PLCH1: variants seen among roughly 807,000 people sequenced by gnomAD.
PLCH1 encodes phospholipase C eta 1, also known as 1-phosphatidylinositol 4,5-bisphosphate phosphodiesterase eta-1.
A neutral mutation model predicts 126.7 loss-of-function variants in PLCH1; 60 were observed. The ratio of observed to expected loss-of-function variants is 0.47; its 90% CI spans 0.38 to 0.59. The LOEUF is 0.59. Ranked by LOEUF, PLCH1 falls within the 20% of genes least tolerant of loss-of-function variation. The probability of loss-of-function intolerance (pLI) is 0.00; values close to 1 mark genes in which losing one functional copy is unlikely to be tolerated. For synonymous variants in PLCH1, 719 were observed against 734.9 expected (o/e 0.98, Z 0.35); for missense variants, 1,723 against 2,040.0 (o/e 0.84, Z 2.99).
At position 155,517,696 on chromosome 3, in the gene PLCH1, G is replaced by A. The variant is rs150806615; in HGVS notation, c.1471-2812C>T. Among the ~76,000 whole-genome samples, 912 of 152,188 alleles carry A rather than the reference G, an allele frequency of 6.0e-3. 11 individuals carry two copies. The highest frequency in any genetic ancestry group is 0.021 in the African/African-American group (886 of 41,498). On this transcript the variant is annotated intron_variant, in intron 11 of 22. Coordinates refer to ENST00000460012, the MANE Select transcript of PLCH1 (RefSeq NM_014996.4). ...TGAAGTCCTTAACTTAATTACATCC[G>A]CAAAGACCCTTTTTCCAAATAAGCT...
At chr3:155,692,942 C>T (rs753510847) in intron 2 of PLCH1, among the ~76,000 whole-genome samples, 1 of 151,970 alleles carries the variant, frequency 6.6e-6, no homozygotes, top group African/African-American at 2.4e-5. Flanking sequence ...GCTGCCACGC[C>T]CGGCTAAGTT....
chr3:155,599,807 CCT>C (rs1466424882), intron 2 of PLCH1, among the ~76,000 whole-genome samples: 1 of 152,166 alleles, frequency 6.6e-6, no homozygotes, highest in African/African-American at 2.4e-5. Context: ...GACACAGGGT[CCT>C]CTGTTTTGTT....
At chr3:155,485,784 C>G in intron 21 of PLCH1, 74 bp from the exon 22 acceptor site, 1 of 909,180 alleles carries the variant, frequency 1.1e-6, no homozygotes, top group Non-Finnish European at 1.7e-6. Flanking sequence ...AAAATGACAG[C>G]TCCATGAAAA....
intron 2 of PLCH1, among the ~76,000 whole-genome samples, chr3:155,644,873 A>G (rs956584807): frequency 1.3e-5 from 2 of 152,222 alleles, no homozygotes; most frequent in Non-Finnish European, 2.9e-5. Context: ...CGGCAGTGAC[A>G]TTCAGCCAGT....
chr3:155,549,753 G>A (rs1725856178), intron 10 of PLCH1, 34 bp downstream of exon 10: 1 of 1,492,078 alleles, frequency 6.7e-7, no homozygotes, highest in Non-Finnish European at 9.3e-7. Context: ...AGCTGATAAT[G>A]AATGTCTTTT....
At position 155,704,669 on chromosome 3, in the gene PLCH1, G is replaced by A. The variant is rs544453100; in HGVS notation, c.-40-405C>T. Among the ~76,000 whole-genome samples, 4 of 152,168 alleles carry A rather than the reference G, an allele frequency of 2.6e-5. No individual in the cohort carries two copies. The South Asian group carries it at 8.3e-4, about 32-fold the overall frequency. On this transcript the variant is annotated intron_variant, in intron 1 of 22. Coordinates refer to ENST00000460012, the MANE Select transcript of PLCH1 (RefSeq NM_014996.4). Reference sequence around the variant, plus strand: ...AGGTGGGGAGGCAACTAACAGGAACGAAGCTATCATTCCCAATTCCTGAAT... The same window carrying A: ...AGGTGGGGAGGCAACTAACAGGAACAAAGCTATCATTCCCAATTCCTGAAT...
intron 1 of PLCH1, among the ~76,000 whole-genome samples, chr3:155,706,093 G>A (rs1379077405): frequency 4.2e-5 from 6 of 142,594 alleles, no homozygotes; most frequent in Non-Finnish European, 9.0e-5. Context: ...AGAATCACTT[G>A]AACCCAGGAG....
In PLCH1 at chr3:155,547,843, G is replaced by T. The variant is rs533830122; in HGVS notation, c.1362+1944C>A. ...CTCATAGGTGGGAATTGAACAACGA[G>T]AACACATGGACACAGGAAGGGGACA... On this transcript the variant is annotated intron_variant, in intron 10 of 22. Coordinates refer to ENST00000460012, the MANE Select transcript of PLCH1 (RefSeq NM_014996.4). Among the ~76,000 whole-genome samples the T allele has an allele frequency of 5.1e-3, 703 of 136,526 alleles. 2 individuals are homozygous for T. The highest frequency in any genetic ancestry group is 0.018 in the African/African-American group (668 of 36,326). 89.6% of individuals were successfully genotyped at this position (136,526 alleles called of 152,430 possible).
chr3:155,527,332 G>T (rs989386682), intron 10 of PLCH1, among the ~76,000 whole-genome samples: 4 of 152,158 alleles, frequency 2.6e-5, no homozygotes, highest in Non-Finnish European at 2.9e-5. Flanking sequence ...AAGTATTCCT[G>T]CTCTGCACAG....
intron 9 of PLCH1, 143 bp from the exon 10 acceptor site, chr3:155,550,101 T>A: frequency 1.8e-6 from 1 of 558,990 alleles, no homozygotes; most frequent in Non-Finnish European, 3.0e-6. Context: ...GCTTCTAAAA[T>A]GAGAAAGATT....
At chr3:155,667,609 T>C (rs1007282247) in intron 2 of PLCH1, among the ~76,000 whole-genome samples, 2 of 152,116 alleles carry the variant, frequency 1.3e-5, no homozygotes, top group African/African-American at 2.4e-5. Context: ...CACATAATTA[T>C]AAAACTGATT....
At position 155,680,527 on chromosome 3, in the gene PLCH1, C is replaced by T. The variant is rs549381437; in HGVS notation, c.79+23619G>A. Among the ~76,000 whole-genome samples the T allele has an allele frequency of 3.3e-5, 5 of 152,292 alleles. No homozygotes were observed. In the South Asian group the frequency reaches 1.0e-3, roughly 32 times the overall value. On this transcript the variant is annotated intron_variant, in intron 2 of 22. Coordinates refer to ENST00000460012, the MANE Select transcript of PLCH1 (RefSeq NM_014996.4). The stretch of plus-strand genomic sequence containing the variant: ...CTCCAGTCACACCCAGCTACCACTT[C>T]CTAAGACCTATCCCACATACAGGTA...
chr3:155,516,887 G>A (rs1720405715), intron 11 of PLCH1, among the ~76,000 whole-genome samples: 1 of 152,062 alleles, frequency 6.6e-6, no homozygotes, highest in Non-Finnish European at 1.5e-5. Context: ...ACACAAGCAG[G>A]AACAAGTAGA....
intron 11 of PLCH1, 57 bp from the exon 12 acceptor site, chr3:155,514,941 A>G: frequency 4.2e-6 from 5 of 1,183,700 alleles, no homozygotes; most frequent in Admixed American, 2.4e-5. Context: ...GAATTAGAAT[A>G]TACCCTTTGA....
Position 155,583,537 on chromosome 3 carries a change from A to G in PLCH1, c.706T>C (p.Tyr236His). ...GTTAGGTGATCTTTCTTGTCACTGT[A>G]GCTCAAAAGTAACAAATAAAGGTCT... is the stretch of plus-strand genomic sequence containing the variant. ...RRDLYLLLLS[Y>H]SDKKDHLTVE... Residue 236 changes from tyrosine (Y) to histidine (H), a missense_variant, in exon 6 of 23, where the codon TAC becomes CAC. Transcript: ENST00000460012. 1.2e-6 allele frequency: 2 copies of G among 1,606,080 alleles called. No individual in the cohort carries two copies. Among genetic ancestry groups the G allele is most frequent in the Non-Finnish European group, 1.7e-6 (2 of 1,177,430 alleles).
rs1299512645 is a variant in PLCH1, at chr3:155,482,749, C to T, written c.3277G>A (p.Asp1093Asn). ...TCCTTGATTTTCACACCATGCAGATCTTGTGTGGGGTTAACTACAGGATCG... is the reference window on the plus strand; with the variant it reads ...TCCTTGATTTTCACACCATGCAGATTTTGTGTGGGGTTAACTACAGGATCG... ...APDPVVNPTQ[D>N]LHGVKIKEKG... Residue 1093 changes from aspartate (D) to asparagine (N), a missense_variant, in exon 23 of 23, where the codon GAT becomes AAT. Physicochemically the swap from Asp to Asn is conservative, Grantham distance 23 (BLOSUM62 1). Transcript: ENST00000460012. 2.5e-6 allele frequency: 4 copies of T among 1,614,172 alleles called. No individual in the cohort carries two copies. The Admixed American group carries it at 6.7e-5, about 27-fold the overall frequency.
intron 2 of PLCH1, among the ~76,000 whole-genome samples, chr3:155,608,940 T>C (rs144123660): frequency 5.3e-5 from 8 of 152,038 alleles, no homozygotes; most frequent in Non-Finnish European, 1.0e-4. Flanking sequence ...GTCAACCAAC[T>C]CAAGCAATTA....
At position 155,726,878 on chromosome 3, in the gene PLCH1, C is replaced by CTT. The variant is rs201977097; in HGVS notation, c.-41+17960_-41+17961dup. ...ACCCGGCTAATTTTTTTTCTTTTTT[C>CTT]TTTTTTTTTTTTTTTGTATTTTTAG... On this transcript the variant is annotated intron_variant, in intron 1 of 22. Transcript: ENST00000460012. Among the ~76,000 whole-genome samples the CTT allele has an allele frequency of 3.8e-3, 501 of 133,130 alleles. 1 individual carries two copies. The highest frequency in any genetic ancestry group is 6.5e-3 in the South Asian group (27 of 4,140). The allele number at this position is 133,130 out of a possible 152,430, so 87.3% of individuals were successfully genotyped here.
chr3:155,701,800 A>G (rs1299583419), intron 2 of PLCH1, among the ~76,000 whole-genome samples: 1 of 152,224 alleles, frequency 6.6e-6, no homozygotes, highest in African/African-American at 2.4e-5. Flanking sequence ...CCTTAAGTCA[A>G]GTAAGTTCCT....
Sources: allele counts gnomAD v4.1 joint callset (sites outside exome capture counted in the v4.1 genomes callset), GRCh38; gene constraint gnomAD v4.1.1; transcripts MANE v1.5; gene names NCBI Gene and HGNC (gene_info 2026-07-23, HGNC 2026-07-21).